The following SF1 variants were observed in gnomAD, a reference collection of about 807,000 sequenced individuals.
The protein encoded by SF1 is branch point-binding protein.
Under a neutral mutation model 62.5 loss-of-function variants are expected in SF1, and 7 were observed. The observed-to-expected ratio is 0.11, with a 90% CI of 0.06 to 0.21. The LOEUF is 0.21. Ranked by LOEUF, SF1 falls within the 10% of genes least tolerant of loss-of-function variation. The pLI, the probability that SF1 is intolerant of heterozygous loss-of-function variation, is 1.00. For synonymous variants in SF1, 394 were observed against 323.6 expected (o/e 1.22, Z -2.33); for missense variants, 578 against 884.0 (o/e 0.65, Z 4.39).
In SF1 at chr11:64,768,194, G is replaced by A; in HGVS notation, c.980C>T (p.Ala327Val). The stretch of plus-strand genomic sequence containing the variant: ...AGGCCCAGAGGTGGAGCCCACAGAT[G>A]CTGGGACAGGTGCTTCACCCAGTTC... Reference protein sequence around the residue: ...MAELGEAPVPASVGSTSGPAT... With the variant: ...MAELGEAPVPVSVGSTSGPAT... Residue 327 changes from alanine (A) to valine (V), a missense_variant, in exon 9 of 13, where the codon GCA (alanine) becomes GTA (valine). Ala to Val is a moderately conservative substitution (Grantham distance 64). This residue lies in a region of SF1 where 45 missense variants were observed against 97.8 expected (regional missense o/e 0.46). Transcript: ENST00000377390. The A allele has an allele frequency of 1.2e-6, 2 of 1,614,032 alleles. No homozygotes were observed. Among genetic ancestry groups the A allele is most frequent in the Non-Finnish European group, 1.7e-6 (2 of 1,179,930 alleles).
intron 2 of SF1, among the ~76,000 whole-genome samples, chr11:64,774,637 C>G (rs1185684561): frequency 1.3e-5 from 2 of 152,024 alleles, no homozygotes; most frequent in Non-Finnish European, 2.9e-5. Flanking sequence ...ACACTAAAAC[C>G]CTGAAGAAAT....
Position 64,768,169 on chromosome 11 carries a change from A to T in SF1, c.1005T>A (p.Pro335=), listed in dbSNP as rs146857529. ...GTGCGCTGGCCAGGGGTGTGGTGGC[A>T]GGCCCAGAGGTGGAGCCCACAGATG... The part of the protein sequence containing the change: ...VPASVGSTSG[P]ATTPLASAPR... Residue 335 remains proline, a synonymous_variant, in exon 9 of 13, where the codon CCT becomes CCA. Transcript: ENST00000377390. 317 of 1,613,864 alleles carry T rather than the reference A, an allele frequency of 2.0e-4. No individual in the cohort carries two copies. Among genetic ancestry groups the T allele is most frequent in the Middle Eastern group, 1.3e-3 (8 of 6,084 alleles).
chr11:64,777,981 A>G, intron 1 of SF1: 1 of 993,744 alleles, frequency 1.0e-6, no homozygotes, highest in Non-Finnish European at 1.2e-6. Context: ...TCTCGGCCCG[A>G]CTCACCTCCT....
intron 2 of SF1, among the ~76,000 whole-genome samples, chr11:64,775,111 G>A (rs1001916929): frequency 3.3e-5 from 5 of 152,082 alleles, no homozygotes; most frequent in African/African-American, 1.2e-4. Context: ...TCAACAACTC[G>A]AGGTGAAAGT....
chr11:64,765,064 A>T lies in SF1; in HGVS notation c.*754T>A, dbSNP rs996588437. ...GGCAACTTTACAAGACTCCCTTGAC[A>T]AGGGTGGCAGAGATTAAAAAACCCC... On this transcript the variant is annotated 3_prime_UTR_variant, in exon 13 of 13. Transcript: ENST00000377390. The T allele has an allele frequency of 1.3e-5, 2 of 159,512 alleles. No individual in the cohort carries two copies. Among genetic ancestry groups the T allele is most frequent in the African/African-American group, 2.4e-5 (1 of 41,710 alleles). The allele number at this position is 159,512 out of a possible 1,614,324, so 9.9% of individuals were successfully genotyped here.
Position 64,769,342 on chromosome 11 carries a change from G to A in SF1, c.664-4C>T, listed in dbSNP as rs1230347140. On this transcript the variant is annotated splice_polypyrimidine_tract_variant and splice_region_variant and intron_variant, in intron 6 of 12. Transcript: ENST00000377390. Reference sequence around the variant, plus strand: ...CCTGCTTCAGGATGTTTCTTATCTAGTGAAAATGCAATGGACAGTTAAGTG... The same window carrying A: ...CCTGCTTCAGGATGTTTCTTATCTAATGAAAATGCAATGGACAGTTAAGTG... The A allele has an allele frequency of 1.9e-6, 3 of 1,614,004 alleles. No individual in the cohort carries two copies. Among genetic ancestry groups the A allele is most frequent in the South Asian group, 2.2e-5 (2 of 91,078 alleles).
At chr11:64,775,017 G>A (rs1301467478) in intron 2 of SF1, among the ~76,000 whole-genome samples, 5 of 151,860 alleles carry the variant, frequency 3.3e-5, no homozygotes, top group Non-Finnish European at 7.4e-5. Context: ...TATGTACCGT[G>A]GGAGACAGAA....
intron 1 of SF1, 164 bp downstream of exon 1, chr11:64,778,198 G>C (rs1203841327): frequency 3.7e-6 from 4 of 1,081,756 alleles, no homozygotes; most frequent in African/African-American, 1.7e-5. Context: ...GCAGCGCCGC[G>C]AAGGGGAAGG....
intron 2 of SF1, among the ~76,000 whole-genome samples, chr11:64,774,487 T>C (rs1193777514): frequency 6.6e-6 from 1 of 152,170 alleles, no homozygotes; most frequent in Non-Finnish European, 1.5e-5. Context: ...CATCTGAGAA[T>C]TTTCAGCAGG....
intron 2 of SF1, among the ~76,000 whole-genome samples, chr11:64,775,547 T>C (rs1939074716): frequency 1.3e-5 from 2 of 152,166 alleles, no homozygotes; most frequent in Non-Finnish European, 2.9e-5. Flanking sequence ...AACAGGAAAT[T>C]AAGACCCTCA....
chr11:64,766,403 G>A (rs1413754676), intron 12 of SF1: 9 of 573,210 alleles, frequency 1.6e-5, no homozygotes, highest in Admixed American at 3.3e-5. Flanking sequence ...GAAGGGCTGA[G>A]GGGAAGGTAC....
chr11:64,772,718 CA>C (rs1592499016), intron 3 of SF1: 1 of 985,310 alleles, frequency 1.0e-6, no homozygotes, highest in East Asian at 1.1e-4. Flanking sequence ...TCATCTCCCC[CA>C]CACAATTTAT....
intron 5 of SF1, 167 bp from the exon 6 acceptor site, chr11:64,769,776 G>A (rs1163641969): frequency 6.7e-6 from 5 of 751,030 alleles, no homozygotes; most frequent in Non-Finnish European, 1.1e-5. Context: ...GTAAACCTGA[G>A]GATTTGACTT....
At chr11:64,777,444 TC>T (rs1015056452) in intron 1 of SF1, 1 of 939,866 alleles carries the variant, frequency 1.1e-6, no homozygotes, top group African/African-American at 1.8e-5. Context: ...TAAAATTCTC[TC>T]CCCAAAAGAG....
chr11:64,769,398 A>C (rs759244399), intron 6 of SF1, 28 bp downstream of exon 6: 38 of 1,613,526 alleles, frequency 2.4e-5, no homozygotes, highest in Middle Eastern at 1.6e-4. Flanking sequence ...TTCTGCTAGG[A>C]GGCTTCCTTT....
At chr11:64,772,281 A>T in intron 3 of SF1, 2 of 985,296 alleles carry the variant, frequency 2.0e-6, no homozygotes, top group Non-Finnish European at 2.4e-6. Flanking sequence ...AAAGGCCAAA[A>T]AGGCACTAAA....
chr11:64,770,313 T>C lies in SF1; in HGVS notation c.332A>G (p.Asn111Ser), dbSNP rs776860418. Residue 111 changes from asparagine to serine, a missense_variant, in exon 4 of 13, where the codon AAC becomes AGC. By Grantham distance (46) the Asn-to-Ser change is conservative. Coordinates refer to ENST00000377390, the MANE Select transcript of SF1 (RefSeq NM_004630.4). ...GAGTGCAACCATCTCTGTGATGAGG[T>C]TGTGCCGCTCCTCTTCCAGCTTTTT... ...TRKKLEEERH[N>S]LITEMVALNP... is the part of the protein sequence containing the mutation. 5.6e-6 allele frequency: 9 copies of C among 1,614,050 alleles called. No homozygotes were observed. Among genetic ancestry groups the C allele is most frequent in the Non-Finnish European group, 5.9e-6 (7 of 1,180,006 alleles).
Position 64,768,092 on chromosome 11 carries a change from GC to G in SF1, c.1068+13del. On this transcript the variant is annotated intron_variant, in intron 9 of 12. Coordinates refer to ENST00000377390, the MANE Select transcript of SF1 (RefSeq NM_004630.4). Reference sequence around the variant, plus strand: ...TGGGGAAGCCAGACCAAGAGAGCCAGCCCCCAGGCTCACCGGTGGAGGTGGG... The same window carrying G: ...TGGGGAAGCCAGACCAAGAGAGCCAGCCCCAGGCTCACCGGTGGAGGTGGG... The G allele has an allele frequency of 6.2e-7, 1 of 1,603,010 alleles. No individual in the cohort carries two copies. The highest frequency in any genetic ancestry group is 8.5e-7 in the Non-Finnish European group (1 of 1,174,942).
chr11:64,767,009 G>C lies in SF1; in HGVS notation c.1473C>G (p.Pro491=). The change falls in exon 12 of 13, where the codon CCC becomes CCG. Residue 491 remains proline, a synonymous_variant. Coordinates refer to ENST00000377390, the MANE Select transcript of SF1 (RefSeq NM_004630.4). ...PPPPPSGQPP[P]PPSGPLPPWQ... ...ATGGGGGAAGAGGACCAGAGGGAGG[G>C]GGTGGGGGCTGCCCACTGGGAGGCG... 6.5e-7 allele frequency: 1 copy of C among 1,537,060 alleles called. No individual in the cohort carries two copies. Among genetic ancestry groups the C allele is most frequent in the Non-Finnish European group, 8.8e-7 (1 of 1,141,942 alleles).
Sources: gnomAD v4.1 joint callset for allele counts (sites outside exome capture counted in the v4.1 genomes callset) on GRCh38, gnomAD v4.1.1 for gene constraint, gnomAD v4.1.1 regional missense constraint, MANE v1.5 for transcripts, NCBI Gene and HGNC (gene_info 2026-07-23, HGNC 2026-07-21) for gene names.